Variants in CACNA1C observed in about 807,000 individuals in gnomAD.
The protein encoded by CACNA1C is voltage-dependent L-type calcium channel subunit alpha-1C.
In CACNA1C, 30 loss-of-function variants were observed where a neutral mutation model predicts 229.0. That is an observed-to-expected ratio of 0.13 (90% CI 0.10 to 0.18). The LOEUF (loss-of-function observed/expected upper bound fraction) is 0.18, where lower values mean the gene tolerates loss of function less well. Ranked by LOEUF, CACNA1C falls within the 10% of genes least tolerant of loss-of-function variation. The probability of loss-of-function intolerance (pLI) is 1.00; values close to 1 mark genes in which losing one functional copy is unlikely to be tolerated. For missense variants in CACNA1C, 1,658 were observed against 2,845.0 expected, an observed-to-expected ratio of 0.58 and a Z score of 9.49; for synonymous variants, 1,114 against 1,132.5, an observed-to-expected ratio of 0.98 and a Z score of 0.33.
At chr12:2,627,452 A>C (rs12813888) in intron 29 of CACNA1C, among the ~76,000 whole-genome samples, 24,549 of 151,918 alleles carry the variant, frequency 0.16, 2,088 homozygotes, top group East Asian at 0.29. Context: ...GCCAGCTGCC[A>C]GTGGGACCCA....
chr12:2,337,794 C>CA (rs2096744890), intron 3 of CACNA1C, among the ~76,000 whole-genome samples: 1 of 152,210 alleles, frequency 6.6e-6, no homozygotes, highest in Non-Finnish European at 1.5e-5. Context: ...CAGGACCCAC[C>CA]ACTGGGGAGG....
At chr12:2,583,389 T>G (rs1171000359) in intron 15 of CACNA1C, among the ~76,000 whole-genome samples, 1 of 152,262 alleles carries the variant, frequency 6.6e-6, no homozygotes, top group African/African-American at 2.4e-5. Context: ...CTCTCTCTGA[T>G]GCTGCTCTCC....
chr12:2,309,844 C>T (rs1034275007), intron 3 of CACNA1C, among the ~76,000 whole-genome samples: 1 of 152,162 alleles, frequency 6.6e-6, no homozygotes, highest in African/African-American at 2.4e-5. Flanking sequence ...AGTGGAGCAG[C>T]GAAACACCAA....
chr12:2,004,971 AAC>A (rs138909139), intron 1 of CACNA1C, among the ~76,000 whole-genome samples: 13,001 of 149,330 alleles, frequency 0.087, 701 homozygotes, highest in Non-Finnish European at 0.13. Context: ...TCAAAAAAAA[AAC>A]AAAACCTTTT....
chr12:2,329,366 A>C (rs1182067635), intron 3 of CACNA1C, among the ~76,000 whole-genome samples: 1 of 152,230 alleles, frequency 6.6e-6, no homozygotes, highest in African/African-American at 2.4e-5. Flanking sequence ...CTGTCTTGAC[A>C]TTACCTAGCT....
rs973425912 is a variant in CACNA1C at position 2,348,427 on chromosome 12, T to G, written c.478-100549T>G. On this transcript the variant is annotated intron_variant, in intron 3 of 46. Coordinates refer to ENST00000399655, the MANE Select transcript of CACNA1C (RefSeq NM_000719.7). The surrounding 1 kb of genome is among the most constrained non-coding windows in gnomAD (Gnocchi z 4.7). ...TAGTCAATCCAAACGTGGAGGTGATTGGCATATGTAAGAACCCCCTTTCCC... is the reference window on the plus strand; with the variant it reads ...TAGTCAATCCAAACGTGGAGGTGATGGGCATATGTAAGAACCCCCTTTCCC... Among the ~76,000 whole-genome samples, 1 of 152,196 alleles carries G rather than the reference T, an allele frequency of 6.6e-6. No homozygotes were observed.
chr12:2,128,309 T>A (rs1480026025), intron 3 of CACNA1C, among the ~76,000 whole-genome samples: 2 of 152,196 alleles, frequency 1.3e-5, no homozygotes, highest in Non-Finnish European at 2.9e-5. Context: ...GATTAAACAC[T>A]CTGTAGCAGT....
intron 5 of CACNA1C, among the ~76,000 whole-genome samples, chr12:2,463,770 G>A (rs1296737695): frequency 6.6e-6 from 1 of 152,156 alleles, no homozygotes; most frequent in Non-Finnish European, 1.5e-5. Context: ...CTCTTCCAAT[G>A]GGGTTCTGTG....
intron 1 of CACNA1C, among the ~76,000 whole-genome samples, chr12:1,996,011 G>C (rs964229488): frequency 1.3e-5 from 2 of 152,054 alleles, no homozygotes; most frequent in Non-Finnish European, 2.9e-5. Flanking sequence ...TTCCACCAAT[G>C]CTTCTGTCAT....
chr12:2,134,374 A>G (rs11062128), intron 3 of CACNA1C, among the ~76,000 whole-genome samples: 687 of 22,632 alleles, frequency 0.03, 4 homozygotes, highest in East Asian at 0.26. Context: ...TATTTTGCTC[A>G]TTAGTTGATG....
intron 1 of CACNA1C, among the ~76,000 whole-genome samples, chr12:2,070,991 TCTC>T (rs1302952595): frequency 1.2e-5 from 1 of 84,044 alleles, no homozygotes; most frequent in Non-Finnish European, 2.2e-5. Flanking sequence ...TCCTTCTCTC[TCTC>T]CTTCCTTCCT....
At chr12:1,982,951 T>C (rs2036573652) in intron 1 of CACNA1C, among the ~76,000 whole-genome samples, 1 of 152,146 alleles carries the variant, frequency 6.6e-6, no homozygotes, top group Non-Finnish European at 1.5e-5. Context: ...ATTCAATTCC[T>C]TATTATGGGA....
At chr12:2,414,090 G>A (rs758116) in intron 3 of CACNA1C, among the ~76,000 whole-genome samples, 133,813 of 152,136 alleles carry the variant, frequency 0.88, 59,207 homozygotes, top group African/African-American at 0.97. Flanking sequence ...TCCCGTCTCC[G>A]TTATTTGCTG....
intron 43 of CACNA1C, among the ~76,000 whole-genome samples, chr12:2,683,117 C>T (rs1032796230): frequency 1.3e-5 from 2 of 152,130 alleles, no homozygotes; most frequent in Admixed American, 6.5e-5. Context: ...GGTGGCAAAG[C>T]CAGGCCTGAG....
intron 29 of CACNA1C, among the ~76,000 whole-genome samples, chr12:2,623,677 A>G (rs188728692): frequency 5.3e-4 from 81 of 152,096 alleles, no homozygotes; most frequent in African/African-American, 1.9e-3. Flanking sequence ...CCTCCTTCCA[A>G]ATGCTAGCCC....
At chr12:2,267,981 T>G (rs1425779043) in intron 3 of CACNA1C, among the ~76,000 whole-genome samples, 3 of 152,116 alleles carry the variant, frequency 2.0e-5, no homozygotes, top group Non-Finnish European at 4.4e-5. Flanking sequence ...AAAAAACAGG[T>G]TTTTTTGTGT....
chr12:2,046,793 G>A (rs768618377), intron 1 of CACNA1C, among the ~76,000 whole-genome samples: 2 of 152,144 alleles, frequency 1.3e-5, no homozygotes, highest in Non-Finnish European at 2.9e-5. Context: ...CCTAAGTGTA[G>A]TGTATAACAG....
chr12:2,635,131 G>T (rs569741743), intron 30 of CACNA1C, among the ~76,000 whole-genome samples: 1 of 152,006 alleles, frequency 6.6e-6, no homozygotes, highest in Admixed American at 6.5e-5. Context: ...CCATGTGAGC[G>T]CCTCACTCCC....
chr12:2,399,873 G>T (rs1449006311), intron 3 of CACNA1C, among the ~76,000 whole-genome samples: 1 of 152,176 alleles, frequency 6.6e-6, no homozygotes, highest in Non-Finnish European at 1.5e-5. Context: ...TAATAACTCA[G>T]CATCTGAACT....
Sources: gnomAD v4.1 joint callset for allele counts (sites outside exome capture counted in the v4.1 genomes callset) on GRCh38, gnomAD v4.1.1 for gene constraint, Gnocchi (gnomAD v3.1) non-coding constraint, MANE v1.5 for transcripts, NCBI Gene and HGNC (gene_info 2026-07-23, HGNC 2026-07-21) for gene names.